The following THSD7B variants were observed in gnomAD, a reference collection of about 807,000 sequenced individuals.
THSD7B encodes thrombospondin type 1 domain containing 7B, also known as thrombospondin type-1 domain-containing protein 7B.
THSD7B carries 138 observed loss-of-function variants against 213.6 expected under a neutral mutation model. The observed-to-expected ratio is 0.65, with a 90% confidence interval of 0.56 to 0.74. THSD7B has a LOEUF of 0.74. Ranked by LOEUF, THSD7B falls within the 30% of genes least tolerant of loss-of-function variation. THSD7B has a pLI of 0.00. For missense variants in THSD7B, 1,931 were observed against 1,991.5 expected (o/e 0.97, Z 0.58); for synonymous variants, 742 against 687.0 (o/e 1.08, Z -1.25).
At chr2:137,410,860 G>A (rs894807929) in intron 13 of THSD7B, among the ~76,000 whole-genome samples, 5 of 152,192 alleles carry the variant, frequency 3.3e-5, no homozygotes, top group Admixed American at 1.3e-4. Flanking sequence ...GAGGAATTGT[G>A]TTAACAGCAA....
At chr2:137,252,251 A>C (rs1241983447) in intron 10 of THSD7B, among the ~76,000 whole-genome samples, 1 of 117,478 alleles carries the variant, frequency 8.5e-6, no homozygotes, top group African/African-American at 3.3e-5. Flanking sequence ...TGGGTGACAG[A>C]GCGAGACTCT....
chr2:137,128,436 A>G (rs1688665998), intron 5 of THSD7B, among the ~76,000 whole-genome samples: 1 of 152,208 alleles, frequency 6.6e-6, no homozygotes, highest in African/African-American at 2.4e-5. Flanking sequence ...GGTACTTAAT[A>G]AACATATTAC....
chr2:137,636,571 T>G (rs904056291), intron 20 of THSD7B, among the ~76,000 whole-genome samples: 1 of 152,260 alleles, frequency 6.6e-6, no homozygotes, highest in Admixed American at 6.5e-5. Context: ...AAAAGTCTCA[T>G]TTAAATATTT....
rs886227341 is a variant in THSD7B at position 137,585,747 on chromosome 2, C to T, written c.3423+13191C>T. ...GTTCTTTTACATTTGCTGAGGAGTG[C>T]TTCACTTTCAACTATGTGGTCAATT... On this transcript the variant is annotated intron_variant, in intron 17 of 27. Transcript: ENST00000409968. Among the ~76,000 whole-genome samples the T allele has an allele frequency of 5.3e-5, 8 of 152,120 alleles. No homozygotes were observed. In the East Asian group the frequency reaches 1.5e-3, roughly 29 times the overall value.
intron 2 of THSD7B, among the ~76,000 whole-genome samples, chr2:136,908,978 C>T (rs1489035134): frequency 6.6e-6 from 1 of 151,950 alleles, no homozygotes; most frequent in African/African-American, 2.4e-5. Context: ...GTCAGGAGTT[C>T]GAGACCAGCC....
chr2:137,514,425 G>T (rs1472141029), intron 15 of THSD7B, among the ~76,000 whole-genome samples: 1 of 152,154 alleles, frequency 6.6e-6, no homozygotes, highest in Non-Finnish European at 1.5e-5. Context: ...TGGACTCCAA[G>T]TTCTTCAGCT....
At chr2:137,397,363 G>T (rs1193510325) in intron 12 of THSD7B, among the ~76,000 whole-genome samples, 2 of 151,980 alleles carry the variant, frequency 1.3e-5, no homozygotes, top group African/African-American at 2.4e-5. Context: ...AGGCCTGGTG[G>T]TGACAAAATC....
At chr2:137,525,611 GC>G (rs1188436807) in intron 15 of THSD7B, among the ~76,000 whole-genome samples, 26 of 152,242 alleles carry the variant, frequency 1.7e-4, no homozygotes, top group African/African-American at 6.3e-4. Context: ...ATCGATGTGA[GC>G]CACATTTTGA....
chr2:136,932,022 G>T (rs1048960355), intron 2 of THSD7B, among the ~76,000 whole-genome samples: 2 of 152,066 alleles, frequency 1.3e-5, no homozygotes, highest in African/African-American at 4.8e-5. Context: ...GATAGGACTG[G>T]TTCTGATACT....
At chr2:136,974,666 G>A (rs1418476618) in intron 2 of THSD7B, among the ~76,000 whole-genome samples, 2 of 152,160 alleles carry the variant, frequency 1.3e-5, no homozygotes, top group African/African-American at 4.8e-5. Context: ...ACATACATGT[G>A]CATGTAACTT....
intron 7 of THSD7B, among the ~76,000 whole-genome samples, chr2:137,201,627 C>G (rs1369170697): frequency 6.6e-6 from 1 of 151,924 alleles, no homozygotes; most frequent in Non-Finnish European, 1.5e-5. Flanking sequence ...CAAACAAAAC[C>G]AAACCCCAGT....
intron 15 of THSD7B, among the ~76,000 whole-genome samples, chr2:137,544,456 T>C (rs1370209386): frequency 6.6e-6 from 1 of 151,756 alleles, no homozygotes; most frequent in African/African-American, 2.4e-5. Context: ...AAGAATATAA[T>C]GGGCAGTGAC....
chr2:137,121,972 T>C (rs780365397), intron 5 of THSD7B, among the ~76,000 whole-genome samples: 1 of 151,884 alleles, frequency 6.6e-6, no homozygotes. Context: ...CCAGACAAAA[T>C]AGAAGGTATA....
chr2:137,586,706 C>T (rs1573727088), intron 17 of THSD7B, among the ~76,000 whole-genome samples: 1 of 152,300 alleles, frequency 6.6e-6, no homozygotes, highest in African/African-American at 2.4e-5. Flanking sequence ...GAGAGATCAG[C>T]TGTTAGTCTG....
intron 13 of THSD7B, among the ~76,000 whole-genome samples, chr2:137,407,599 T>G (rs1400202216): frequency 6.6e-6 from 1 of 152,162 alleles, no homozygotes; most frequent in African/African-American, 2.4e-5. Context: ...GTAAATGCAA[T>G]AAACAATCTC....
At chr2:137,446,706 T>A (rs1302220371) in intron 14 of THSD7B, among the ~76,000 whole-genome samples, 15 of 152,082 alleles carry the variant, frequency 9.9e-5, no homozygotes, top group Non-Finnish European at 1.8e-4. Context: ...GTCCAAGCAA[T>A]GTATTCTGCA....
intron 5 of THSD7B, among the ~76,000 whole-genome samples, chr2:137,119,721 A>G (rs1182221574): frequency 6.6e-6 from 1 of 152,108 alleles, no homozygotes; most frequent in Admixed American, 6.6e-5. Flanking sequence ...CCTACTGTAG[A>G]TTTTTAAACA....
chr2:137,142,552 C>T (rs1415730307), intron 5 of THSD7B, among the ~76,000 whole-genome samples: 1 of 152,090 alleles, frequency 6.6e-6, no homozygotes, highest in African/African-American at 2.4e-5. Context: ...ATTATACTAT[C>T]TTAAGCATTC....
In THSD7B at chr2:137,160,334, C is replaced by A; in HGVS notation, c.1491C>A (p.Ile497=). 6.2e-7 allele frequency: 1 copy of A among 1,613,392 alleles called. No homozygotes were observed. The highest frequency in any genetic ancestry group is 8.5e-7 in the Non-Finnish European group (1 of 1,179,600). Reference sequence around the variant, plus strand: ...CCTGGTCAGCCTGGGGCCTGTGCATCCATGAAAACTGTCATGATCCTCAGG... The same window carrying A: ...CCTGGTCAGCCTGGGGCCTGTGCATACATGAAAACTGTCATGATCCTCAGG... ...VSSWSAWGLC[I]HENCHDPQGK... The change falls in exon 6 of 28, where the codon ATC becomes ATA. Residue 497 remains isoleucine (I), a synonymous_variant. Transcript: ENST00000409968.
Sources: allele counts gnomAD v4.1 joint callset (sites outside exome capture counted in the v4.1 genomes callset), GRCh38; gene constraint gnomAD v4.1.1; transcripts MANE v1.5; gene names NCBI Gene and HGNC (gene_info 2026-07-23, HGNC 2026-07-21).